TOP1MT: variants seen among roughly 807,000 people sequenced by gnomAD.
TOP1MT encodes the protein DNA topoisomerase I, mitochondrial.
TOP1MT carries 80 observed loss-of-function variants against 73.9 expected under a neutral mutation model. The ratio of observed to expected loss-of-function variants is 1.08; its 90% CI spans 0.90 to 1.30. The LOEUF (loss-of-function observed/expected upper bound fraction) is 1.30. TOP1MT is among the 50% of genes most tolerant of loss of function. The pLI is 0.00. For synonymous variants in TOP1MT, 338 were observed against 326.4 expected, an observed-to-expected ratio of 1.04 and a Z score of -0.38; for missense variants, 815 against 808.0, an observed-to-expected ratio of 1.01 and a Z score of -0.10.
chr8:143,332,649 T>A, intron 1 of TOP1MT: 1 of 1,066,236 alleles, frequency 9.4e-7, no homozygotes, highest in Non-Finnish European at 1.3e-6. Context: ...AGGGCCTTTC[T>A]GGCTGTTTCT....
chr8:143,318,086 C>G lies in TOP1MT; in HGVS notation c.1147G>C (p.Val383Leu), dbSNP rs745842516. 3 of 1,613,948 alleles carry G rather than the reference C, an allele frequency of 1.9e-6. No homozygotes were observed. The highest frequency in any genetic ancestry group is 2.2e-5 in the East Asian group (1 of 44,876). Residue 383 changes from valine (V) to leucine (L), a missense_variant and splice_region_variant, in exon 9 of 14, where the codon GTG becomes CTG. By Grantham distance (32) the Val-to-Leu change is conservative (BLOSUM62 1). Transcript: ENST00000329245. Reference sequence around the variant, plus strand: ...ATAAAGAGCTGTAAGTTCTTGTACACCTGAAGGAGAAAGAAGGAATTTCAG... The same window carrying G: ...ATAAAGAGCTGTAAGTTCTTGTACAGCTGAAGGAGAAAGAAGGAATTTCAG... Reference protein sequence around the residue: ...YYNRVPVEKPVYKNLQLFMEN... With the variant: ...YYNRVPVEKPLYKNLQLFMEN...
intron 2 of TOP1MT, among the ~76,000 whole-genome samples, chr8:143,342,687 A>G: frequency 8.9e-6 from 1 of 112,882 alleles, no homozygotes; most frequent in East Asian, 2.5e-4. Context: ...TATTATTATT[A>G]TTATTATTAG....
At chr8:143,352,633 G>A (rs1368192661) in intron 1 of TOP1MT, among the ~76,000 whole-genome samples, 3 of 152,276 alleles carry the variant, frequency 2.0e-5, no homozygotes, top group African/African-American at 7.2e-5. Flanking sequence ...TTTTTGGGTT[G>A]GTTGGTTGGT....
chr8:143,323,589 C>CCACA lies in TOP1MT; in HGVS notation c.960+406_960+409dup, dbSNP rs766368835. On this transcript the variant is annotated intron_variant, in intron 7 of 13. Coordinates refer to ENST00000329245, the MANE Select transcript of TOP1MT (RefSeq NM_052963.3). ...CATGCACGCCACACACACAGGCACG[C>CCACA]CACACACACACGCACGCCACACACA... is the stretch of plus-strand genomic sequence containing the variant. Among the ~76,000 whole-genome samples the CCACA allele has an allele frequency of 1.6e-3, 81 of 49,248 alleles. 11 individuals are homozygous for CCACA. The highest frequency in any genetic ancestry group is 3.8e-3 in the African/African-American group (73 of 19,122). The allele number at this position is 49,248 out of a possible 152,430, so 32.3% of individuals were successfully genotyped here. A position where few individuals can be genotyped will look rare whatever the true frequency, so the allele number is the denominator to read the frequency against.
intron 12 of TOP1MT, among the ~76,000 whole-genome samples, chr8:143,313,550 C>CAAA (rs34073373): frequency 0.37 from 37,561 of 102,810 alleles, 8,234 homozygotes; most frequent in East Asian, 0.64. Flanking sequence ...ACTCCATCAC[C>CAAA]AAAAAAAAAA....
At chr8:143,355,986 C>T (rs1193084459) in exon 1 of TOP1MT, 3 of 152,272 alleles carry the variant, frequency 2.0e-5, no homozygotes, top group African/African-American at 7.2e-5. Context: ...ATTGTCCCGC[C>T]CTGGATTTTC....
At chr8:143,313,766 A>G (rs1816076672) in intron 12 of TOP1MT, among the ~76,000 whole-genome samples, 1 of 151,228 alleles carries the variant, frequency 6.6e-6, no homozygotes, top group African/African-American at 2.4e-5. Context: ...GAGGCAGGAG[A>G]ATTGCTTGAA....
intron 10 of TOP1MT, among the ~76,000 whole-genome samples, chr8:143,317,227 G>C (rs569762861): frequency 8.5e-5 from 13 of 152,316 alleles, no homozygotes; most frequent in African/African-American, 3.1e-4. Context: ...CAGCGCCAGG[G>C]ACAGAGGGAG....
chr8:143,344,135 T>C lies in TOP1MT; in HGVS notation c.-39+781A>G, dbSNP rs1047096660. 3.3e-5 allele frequency: 5 copies of C among 152,212 alleles called. No homozygotes were observed. The highest frequency in any genetic ancestry group is 7.3e-5 in the Non-Finnish European group (5 of 68,070). 9.4% of individuals were successfully genotyped at this position (152,212 alleles called of 1,614,324 possible). A position where few individuals can be genotyped will look rare whatever the true frequency, so the allele number is the denominator to read the frequency against. On this transcript the variant is annotated intron_variant, in intron 1 of 5. Coordinates refer to the TOP1MT transcript ENST00000518007. This position sits in a 1 kb window ranked among gnomAD's most constrained non-coding sequence, Gnocchi z 4.6. Reference sequence around the variant, plus strand: ...ATTCATAGATGGATTTCATGTGGAATCTAGGCCCTCAAGGATGGGGCCCTC... The same window carrying C: ...ATTCATAGATGGATTTCATGTGGAACCTAGGCCCTCAAGGATGGGGCCCTC...
In TOP1MT at chr8:143,317,852, G is replaced by T; in HGVS notation, c.1216-15C>A. 6.2e-7 allele frequency: 1 copy of T among 1,613,264 alleles called. No individual in the cohort carries two copies. Among genetic ancestry groups the T allele is most frequent in the South Asian group, 1.1e-5 (1 of 91,048 alleles). ...AGGCTGGTCGTCTGGGGAGGAAAAT[G>T]GTCTCTATAATTACGTGGTTTTGCG... On this transcript the variant is annotated splice_polypyrimidine_tract_variant and intron_variant, in intron 9 of 13. Transcript: ENST00000329245.
upstream of TOP1MT, chr8:143,359,228 T>A: frequency 1.0e-6 from 1 of 984,584 alleles, no homozygotes; most frequent in African/African-American, 1.8e-5. Context: ...TGGCTTTAGA[T>A]GCGCCAGACC....
In TOP1MT at chr8:143,341,359, C is replaced by G. The variant is rs1253880401; in HGVS notation, c.29+1861G>C. 1.3e-5 allele frequency among the ~76,000 whole-genome samples: 2 copies of G among 152,232 alleles called. No homozygotes were observed. Among genetic ancestry groups the G allele is most frequent in the Non-Finnish European group, 2.9e-5 (2 of 68,046 alleles). On this transcript the variant is annotated intron_variant, in intron 2 of 5. Coordinates refer to the TOP1MT transcript ENST00000518007. This position sits in a 1 kb window ranked among gnomAD's most constrained non-coding sequence, Gnocchi z 4.1. ...AGGGCCATGCCCTTCTATCTCTTCT[C>G]TTGGGTGTCAGGACCCCGGGCACAT...
At chr8:143,321,949 A>T (rs1816422878) in intron 7 of TOP1MT, among the ~76,000 whole-genome samples, 1 of 127,102 alleles carries the variant, frequency 7.9e-6, no homozygotes, top group Non-Finnish European at 1.6e-5. Context: ...CGCACGCCAC[A>T]CACGCACGCC....
intron 1 of TOP1MT, among the ~76,000 whole-genome samples, chr8:143,354,486 G>T (rs4875067): frequency 0.62 from 93,873 of 151,188 alleles, 32,408 homozygotes; most frequent in South Asian, 0.85. Context: ...GCTGAGGCAG[G>T]CGGATTACCT....
chr8:143,357,779 G>C (rs1170740855), upstream of TOP1MT, among the ~76,000 whole-genome samples: 1 of 151,950 alleles, frequency 6.6e-6, no homozygotes, highest in Non-Finnish European at 1.5e-5. Flanking sequence ...AAATTAGCTG[G>C]GTGTGGTGGC....
chr8:143,323,402 C>CCACA (rs747452169), intron 7 of TOP1MT, among the ~76,000 whole-genome samples: 1 of 119,694 alleles, frequency 8.4e-6, no homozygotes, highest in Admixed American at 8.8e-5. Context: ...CACAGGCACG[C>CCACA]CACACACGCA....
At chr8:143,321,421 G>T in intron 7 of TOP1MT, 35 bp from the exon 8 acceptor site, 1 of 1,515,328 alleles carries the variant, frequency 6.6e-7, no homozygotes, top group Non-Finnish European at 8.9e-7. Context: ...TGGGTGGTGC[G>T]TGCACACGCA....
intron 12 of TOP1MT, among the ~76,000 whole-genome samples, chr8:143,312,657 A>C (rs1309438025): frequency 2.0e-5 from 3 of 152,230 alleles, no homozygotes; most frequent in African/African-American, 7.2e-5. Context: ...ATCAGGAACA[A>C]GGCAAGGCTG....
intron 8 of TOP1MT, among the ~76,000 whole-genome samples, chr8:143,318,334 C>G (rs899603891): frequency 6.6e-6 from 1 of 152,212 alleles, no homozygotes; most frequent in African/African-American, 2.4e-5. Context: ...CTGCAAACCC[C>G]CTGGGTGACC....
Sources: allele counts gnomAD v4.1 joint callset (sites outside exome capture counted in the v4.1 genomes callset), GRCh38; gene constraint gnomAD v4.1.1; non-coding constraint Gnocchi (gnomAD v3.1); transcripts MANE v1.5; gene names NCBI Gene and HGNC (gene_info 2026-07-23, HGNC 2026-07-21).